The following PALB2 variants were observed in gnomAD, a reference collection of about 807,000 sequenced individuals.
PALB2 encodes partner and localizer of BRCA2.
A neutral mutation model predicts 107.4 loss-of-function variants in PALB2; 82 were observed. The ratio of observed to expected loss-of-function variants is 0.76; its 90% CI spans 0.64 to 0.92. PALB2 has a LOEUF of 0.92. PALB2 is among the 40% of genes least tolerant of loss of function. The pLI is 0.00. For synonymous variants in PALB2, 489 were observed against 496.8 expected (o/e 0.98, Z 0.21); for missense variants, 1,374 against 1,379.9 (o/e 1.00, Z 0.07).
At position 23,630,342 on chromosome 16, in the gene PALB2, CAGT is replaced by C. The variant is rs773733701; in HGVS notation, c.1809_1811del (p.Leu604del). 4.3e-6 allele frequency: 7 copies of C among 1,614,154 alleles called. No homozygotes were observed. In the South Asian group the frequency reaches 7.7e-5, roughly 18 times the overall value. ...GAAAGTCTGTGATACTGAGAAAAGA[CAGT>C]AGTTGCTTTAAACTCAGCATTCCAT... On this transcript the variant is annotated inframe_deletion, in exon 5 of 13. Coordinates refer to ENST00000261584, the MANE Select transcript of PALB2 (RefSeq NM_024675.4).
At chr16:23,612,642 T>TCAGC (rs959033555) in intron 11 of PALB2, among the ~76,000 whole-genome samples, 2 of 150,930 alleles carry the variant, frequency 1.3e-5, no homozygotes, top group Non-Finnish European at 3.0e-5. Context: ...TCCCCTGAAC[T>TCAGC]CAGCCTCCTG....
intron 12 of PALB2, 137 bp from the exon 13 acceptor site, chr16:23,603,806 A>G: frequency 1.3e-6 from 1 of 759,100 alleles, no homozygotes; most frequent in Non-Finnish European, 2.2e-6. Context: ...CTACATTTGT[A>G]GCCTTAGAGG....
chr16:23,629,096 A>T, intron 6 of PALB2, 108 bp downstream of exon 6: 9 of 845,406 alleles, frequency 1.1e-5, no homozygotes, highest in East Asian at 2.5e-5. Flanking sequence ...GTTTACCAAT[A>T]TCTTTAATAG....
At chr16:23,609,238 C>G (rs1966539874) in intron 11 of PALB2, among the ~76,000 whole-genome samples, 1 of 152,204 alleles carries the variant, frequency 6.6e-6, no homozygotes, top group Non-Finnish European at 1.5e-5. Context: ...GGAAACACAG[C>G]TGAAGACCTC....
rs1371849254 is a variant in PALB2, at chr16:23,635,280, T to G, written c.1266A>C (p.Lys422Asn). The G allele has an allele frequency of 6.2e-7, 1 of 1,614,198 alleles. No individual in the cohort carries two copies. The highest frequency in any genetic ancestry group is 8.5e-7 in the Non-Finnish European group (1 of 1,180,040). The change falls in exon 4 of 13, where the codon AAA becomes AAC. Residue 422 changes from lysine (K) to asparagine (N), a missense_variant. Physicochemically the swap from Lys to Asn is moderately conservative, Grantham distance 94. Coordinates refer to ENST00000261584, the MANE Select transcript of PALB2 (RefSeq NM_024675.4). ...TTRSMSNCQR[K>N]VAVEAVIQSH... is the part of the protein sequence containing the mutation. ...TCTGAATGACAGCCTCCACGGCTAC[T>G]TTCCTCTGGCAATTGGACATGCTTC... is the stretch of plus-strand genomic sequence containing the variant.
Position 23,606,551 on chromosome 16 carries a change from C to T in PALB2, c.3350+1313G>A, listed in dbSNP as rs772944926. Among the ~76,000 whole-genome samples, 20 of 152,100 alleles carry T rather than the reference C, an allele frequency of 1.3e-4. No individual in the cohort carries two copies. Among genetic ancestry groups the T allele is most frequent in the Non-Finnish European group, 2.9e-4 (20 of 68,012 alleles). On this transcript the variant is annotated intron_variant, in intron 12 of 12. Coordinates refer to ENST00000261584, the MANE Select transcript of PALB2 (RefSeq NM_024675.4). Reference sequence around the variant, plus strand: ...AGTTATTAAAGTCAGACCTTGTTTTCTTGATTCACTTCAGCCCAGGCTGCA... The same window carrying T: ...AGTTATTAAAGTCAGACCTTGTTTTTTTGATTCACTTCAGCCCAGGCTGCA...
intron 7 of PALB2, among the ~76,000 whole-genome samples, chr16:23,625,956 G>A (rs1306318326): frequency 6.6e-6 from 1 of 152,134 alleles, no homozygotes; most frequent in East Asian, 1.9e-4. Flanking sequence ...ACTCCAGCCT[G>A]CATGACAGAG....
At chr16:23,610,485 T>G (rs1324557625) in intron 11 of PALB2, among the ~76,000 whole-genome samples, 6 of 151,584 alleles carry the variant, frequency 4.0e-5, no homozygotes, top group Non-Finnish European at 5.9e-5. Context: ...ATTTTTGTAT[T>G]TTTAGGAGAG....
chr16:23,610,443 G>A (rs988435608), intron 11 of PALB2, among the ~76,000 whole-genome samples: 1 of 151,352 alleles, frequency 6.6e-6, no homozygotes, highest in Admixed American at 6.6e-5. Context: ...CAACTAACTG[G>A]GACTACAGGT....
chr16:23,638,840 G>T (rs921485141), intron 1 of PALB2, among the ~76,000 whole-genome samples: 1 of 152,142 alleles, frequency 6.6e-6, no homozygotes, highest in East Asian at 1.9e-4. Context: ...GACTGAATGA[G>T]GAAGGAGCTA....
At chr16:23,603,783 T>G in intron 12 of PALB2, 114 bp from the exon 13 acceptor site, 3 of 879,506 alleles carry the variant, frequency 3.4e-6, no homozygotes, top group Admixed American at 4.7e-5. Flanking sequence ...AAAATCCCTG[T>G]AACTATGAAT....
rs971083064 is a variant in PALB2, at chr16:23,623,589, C to T, written c.2834+420G>A. On this transcript the variant is annotated intron_variant, in intron 8 of 12. Transcript: ENST00000261584. ...GCAGTGGTGGCACGATCTTAGCTCA[C>T]TGCAACCTCTGTTTCCCGGGTTCAG... 4.2e-5 allele frequency among the ~76,000 whole-genome samples: 6 copies of T among 142,290 alleles called. No individual in the cohort carries two copies. The Admixed American group carries it at 4.4e-4, about 10-fold the overall frequency. 93.3% of individuals were successfully genotyped at this position (142,290 alleles called of 152,430 possible).
At chr16:23,627,240 C>A (rs575204643) in intron 6 of PALB2, among the ~76,000 whole-genome samples, 12 of 151,946 alleles carry the variant, frequency 7.9e-5, no homozygotes, top group African/African-American at 2.7e-4. Context: ...GTAATCCCAG[C>A]ACTTTGGGAG....
chr16:23,608,378 G>T (rs1027142642), intron 11 of PALB2, among the ~76,000 whole-genome samples: 8 of 151,950 alleles, frequency 5.3e-5, no homozygotes, highest in African/African-American at 1.9e-4. Context: ...AGCTTCTCCT[G>T]CTTCCGGTTC....
chr16:23,623,868 AT>A (rs199539948), intron 8 of PALB2, 140 bp downstream of exon 8: 116 of 676,128 alleles, frequency 1.7e-4, no homozygotes, highest in South Asian at 2.1e-4. Flanking sequence ...CATTCTATTG[AT>A]TTTTTTTTAA....
intron 6 of PALB2, 136 bp downstream of exon 6, chr16:23,629,068 A>G (rs1202685387): frequency 2.7e-6 from 2 of 742,434 alleles, no homozygotes; most frequent in Non-Finnish European, 4.7e-6. Context: ...ACCAATCCAA[A>G]TCTGTTTTTC....
Position 23,603,341 on chromosome 16 carries a change from G to T in PALB2, c.*118C>A. The T allele has an allele frequency of 1.2e-6, 1 of 822,920 alleles. No homozygotes were observed. The highest frequency in any genetic ancestry group is 2.0e-6 in the Non-Finnish European group (1 of 490,952). The allele number at this position is 822,920 out of a possible 1,614,324, so 51.0% of individuals were successfully genotyped here. ...TTAGAATAAAAAATAAGTCTGTCTG[G>T]ACATAAACAAGCAATCATTTTAAGT... On this transcript the variant is annotated 3_prime_UTR_variant, in exon 13 of 13. Coordinates refer to ENST00000261584, the MANE Select transcript of PALB2 (RefSeq NM_024675.4).
At position 23,603,588 on chromosome 16, in the gene PALB2, G is replaced by C. The variant is rs748363227; in HGVS notation, c.3432C>G (p.Leu1144=). ...GTGGGAGGAGGGCAGTACACTGACC[G>C]AGAAGTAAGTCCCAAATGGCAATTG... ...SGTIAIWDLL[L]GQCTALLPPV... The change falls in exon 13 of 13, where the codon CTC becomes CTG. Residue 1144 remains leucine, a synonymous_variant. Coordinates refer to ENST00000261584, the MANE Select transcript of PALB2 (RefSeq NM_024675.4). The C allele has an allele frequency of 6.2e-7, 1 of 1,614,090 alleles. No homozygotes were observed. Among genetic ancestry groups the C allele is most frequent in the Admixed American group, 1.7e-5 (1 of 60,008 alleles).
rs515726113 is a variant in PALB2, at chr16:23,607,893, C to T, written c.3321G>A (p.Leu1107=). Residue 1107 remains leucine (L), a synonymous_variant, in exon 12 of 13, where the codon CTG becomes CTA. Transcript: ENST00000261584. ...CAGCCTGCCCTGGAGGAAGACAGTA[C>T]AGCATCACACCCACGCTGAGAGTCG... The part of the protein sequence containing the change: ...PKTTLSVGVM[L]YCLPPGQAGR... 2 of 1,614,072 alleles carry T rather than the reference C, an allele frequency of 1.2e-6. No individual in the cohort carries two copies. The highest frequency in any genetic ancestry group is 1.1e-5 in the South Asian group (1 of 91,070).
Sources: allele counts gnomAD v4.1 joint callset (sites outside exome capture counted in the v4.1 genomes callset), GRCh38; gene constraint gnomAD v4.1.1; transcripts MANE v1.5; gene names NCBI Gene and HGNC (gene_info 2026-07-23, HGNC 2026-07-21).